Variants in PTPRG observed in about 807,000 individuals in gnomAD.
PTPRG encodes receptor-type tyrosine-protein phosphatase gamma.
Under a neutral mutation model 165.3 loss-of-function variants are expected in PTPRG, and 102 were observed. The observed-to-expected ratio is 0.62, with a 90% CI of 0.53 to 0.73. The LOEUF (loss-of-function observed/expected upper bound fraction) is 0.73, where lower values mean the gene tolerates loss of function less well. PTPRG is among the 30% of genes least tolerant of loss of function. The pLI, the probability that PTPRG is intolerant of heterozygous loss-of-function variation, is 0.00. For synonymous variants in PTPRG, 675 were observed against 669.5 expected, an observed-to-expected ratio of 1.01 and a Z score of -0.13; for missense variants, 1,866 against 1,861.4, an observed-to-expected ratio of 1.00 and a Z score of -0.05.
At chr3:61,866,089 G>T (rs2037398692) in intron 2 of PTPRG, among the ~76,000 whole-genome samples, 1 of 152,146 alleles carries the variant, frequency 6.6e-6, no homozygotes, top group Non-Finnish European at 1.5e-5. Flanking sequence ...AATTGAACCA[G>T]GGAACTCCTC....
chr3:61,866,622 A>C (rs2037418809), intron 2 of PTPRG, among the ~76,000 whole-genome samples: 1 of 57,280 alleles, frequency 1.7e-5, no homozygotes, highest in Non-Finnish European at 3.4e-5. Context: ...TTTTTTTGAG[A>C]CGGAGTCTTG....
chr3:61,754,068 T>A (rs2033550478), intron 2 of PTPRG, among the ~76,000 whole-genome samples: 1 of 152,210 alleles, frequency 6.6e-6, no homozygotes. Flanking sequence ...AAATAGCTTC[T>A]AAGAATCAGT....
At chr3:61,644,978 C>A (rs1222996531) in intron 1 of PTPRG, among the ~76,000 whole-genome samples, 1 of 152,152 alleles carries the variant, frequency 6.6e-6, no homozygotes, top group Non-Finnish European at 1.5e-5. Context: ...TTTGCTTTGT[C>A]TTTTAAAATT....
intron 12 of PTPRG, among the ~76,000 whole-genome samples, chr3:62,216,021 C>T (rs1203503045): frequency 2.6e-5 from 4 of 152,182 alleles, no homozygotes; most frequent in African/African-American, 9.6e-5. Context: ...AGTTTGAGGG[C>T]AGCCTGAGCA....
rs1703224814 is a variant in PTPRG, at chr3:62,124,755, G to A, written c.616-7847G>A. The A allele has an allele frequency of 6.1e-6, 3 of 495,060 alleles. No individual in the cohort carries two copies. The Admixed American group carries it at 9.9e-5, about 16-fold the overall frequency. The allele number at this position is 495,060 out of a possible 1,614,324, so 30.7% of individuals were successfully genotyped here. A position where few individuals can be genotyped will look rare whatever the true frequency, so the allele number is the denominator to read the frequency against. ...ATTTTTAAAATTCTTTTCTAGAGAT[G>A]TTGTGTTGCCCAGGCTGGTCTCAAA... On this transcript the variant is annotated intron_variant, in intron 5 of 29. Transcript: ENST00000474889.
intron 15 of PTPRG, among the ~76,000 whole-genome samples, chr3:62,250,889 G>A (rs1030164087): frequency 3.9e-5 from 6 of 152,108 alleles, no homozygotes; most frequent in Admixed American, 1.3e-4. Context: ...TAAAAGGCCC[G>A]TTATGTACAT....
chr3:61,900,208 G>A (rs868155359), intron 2 of PTPRG, among the ~76,000 whole-genome samples: 3 of 151,886 alleles, frequency 2.0e-5, no homozygotes, highest in East Asian at 1.9e-4. Context: ...TAATGTCGTC[G>A]TTTATCTGTA....
intron 2 of PTPRG, among the ~76,000 whole-genome samples, chr3:61,804,781 C>T (rs1187579711): frequency 6.6e-6 from 1 of 152,224 alleles, no homozygotes; most frequent in East Asian, 1.9e-4. Flanking sequence ...TTTGTGCCCC[C>T]GGTCCCCCTT....
chr3:61,829,744 A>G (rs1185528599), intron 2 of PTPRG, among the ~76,000 whole-genome samples: 2 of 152,086 alleles, frequency 1.3e-5, no homozygotes, highest in Admixed American at 6.6e-5. Context: ...GGTTTTTTTA[A>G]TTGAGAATTT....
chr3:62,038,477 C>T (rs1038516679), intron 4 of PTPRG, among the ~76,000 whole-genome samples: 7 of 152,134 alleles, frequency 4.6e-5, no homozygotes, highest in South Asian at 2.1e-4. Context: ...GGCTCACTGC[C>T]GCCTCAACCT....
At chr3:62,004,322 A>T (rs551426911) in intron 4 of PTPRG, among the ~76,000 whole-genome samples, 1 of 152,300 alleles carries the variant, frequency 6.6e-6, no homozygotes, top group East Asian at 1.9e-4. Flanking sequence ...AACCTGCCCA[A>T]TAGTCCTATA....
chr3:61,725,343 C>G (rs192475676), intron 1 of PTPRG, among the ~76,000 whole-genome samples: 79 of 152,238 alleles, frequency 5.2e-4, no homozygotes, highest in African/African-American at 1.7e-3. Flanking sequence ...ATCTGGAGCT[C>G]CTGACCTCAA....
intron 2 of PTPRG, among the ~76,000 whole-genome samples, chr3:61,804,738 T>C (rs2035361199): frequency 1.3e-5 from 2 of 152,102 alleles, no homozygotes; most frequent in African/African-American, 2.4e-5. Context: ...GAAGATGTTA[T>C]AAACATTAAA....
chr3:62,054,715 C>T (rs537681644), intron 4 of PTPRG, among the ~76,000 whole-genome samples: 2 of 152,130 alleles, frequency 1.3e-5, no homozygotes, highest in African/African-American at 4.8e-5. Context: ...TGTTTTTGTA[C>T]CTTTTTTGAG....
intron 2 of PTPRG, among the ~76,000 whole-genome samples, chr3:61,836,847 C>G (rs1305716300): frequency 6.6e-6 from 1 of 151,930 alleles, no homozygotes; most frequent in Non-Finnish European, 1.5e-5. Flanking sequence ...CGGGTTCAAG[C>G]AGTTCTCCTG....
intron 2 of PTPRG, among the ~76,000 whole-genome samples, chr3:61,931,571 C>A (rs141243399): frequency 6.6e-6 from 1 of 152,202 alleles, no homozygotes; most frequent in Non-Finnish European, 1.5e-5. Flanking sequence ...ACTGCTCTTA[C>A]ACAAGTCAAG....
chr3:62,183,292 C>T (rs1256625638), intron 8 of PTPRG, among the ~76,000 whole-genome samples: 3 of 152,206 alleles, frequency 2.0e-5, no homozygotes, highest in Admixed American at 1.3e-4. Context: ...AGGCCGGGCG[C>T]GGGGCTCATG....
chr3:62,039,453 A>G (rs1258093013), intron 4 of PTPRG, among the ~76,000 whole-genome samples: 1 of 152,320 alleles, frequency 6.6e-6, no homozygotes, highest in African/African-American at 2.4e-5. Flanking sequence ...TGTGGAAACA[A>G]GATGAGTAAT....
intron 1 of PTPRG, among the ~76,000 whole-genome samples, chr3:61,671,896 G>T (rs536330729): frequency 3.4e-5 from 5 of 146,614 alleles, no homozygotes; most frequent in East Asian, 2.1e-4. Context: ...GGGCGGGGGG[G>T]GCTGATCCCC....
Sources: allele counts gnomAD v4.1 joint callset (sites outside exome capture counted in the v4.1 genomes callset), GRCh38; gene constraint gnomAD v4.1.1; transcripts MANE v1.5; gene names NCBI Gene and HGNC (gene_info 2026-07-23, HGNC 2026-07-21).